The following PCDHA7 variants were observed in gnomAD, a reference collection of about 807,000 sequenced individuals.
PCDHA7 encodes protocadherin alpha-7.
In PCDHA7, 37 loss-of-function variants were observed where a neutral mutation model predicts 57.2. The ratio of observed to expected loss-of-function variants is 0.65; its 90% confidence interval spans 0.50 to 0.85. The LOEUF is 0.85. Ranked by LOEUF, PCDHA7 falls within the 40% of genes least tolerant of loss-of-function variation. The pLI, the probability that PCDHA7 is intolerant of heterozygous loss-of-function variation, is 0.00. For synonymous variants in PCDHA7, 553 were observed against 558.8 expected (o/e 0.99, Z 0.15); for missense variants, 1,188 against 1,241.8 (o/e 0.96, Z 0.65).
At chr5:140,926,861 G>T in intron 1 of PCDHA7, 1 of 1,522,578 alleles carries the variant, frequency 6.6e-7, no homozygotes, top group Non-Finnish European at 8.8e-7. Flanking sequence ...TTGGTGTAGC[G>T]TGTTGGTGGA....
chr5:140,857,646 A>G lies in PCDHA7; in HGVS notation c.2355+20908A>G, dbSNP rs782060988. 27 of 1,596,264 alleles carry G rather than the reference A, an allele frequency of 1.7e-5. 4 individuals carry two copies. The highest frequency in any genetic ancestry group is 2.2e-5 in the Non-Finnish European group (26 of 1,167,636). Reference sequence around the variant, plus strand: ...GAGGAGCTGGAGCTGCTACAGTTCCAGGTGAGCGCGCGCGATGGGGGCGTG... The same window carrying G: ...GAGGAGCTGGAGCTGCTACAGTTCCGGGTGAGCGCGCGCGATGGGGGCGTG... On this transcript the variant is annotated intron_variant, in intron 1 of 3. Coordinates refer to ENST00000525929, the MANE Select transcript of PCDHA7 (RefSeq NM_018910.3).
At chr5:140,858,296 C>A in intron 1 of PCDHA7, 2 of 1,597,508 alleles carry the variant, frequency 1.3e-6, no homozygotes, top group Non-Finnish European at 1.7e-6. Flanking sequence ...GTCTTACTCG[C>A]AGCAGAGGCG....
At position 140,871,031 on chromosome 5, in the gene PCDHA7, G is replaced by A. The variant is rs543880939; in HGVS notation, c.2355+34293G>A. ...GCCCTGGACGAGGCAGACTCGCCGC[G>A]CCACCGACTTCTAGTACTGGTGAAG... is the stretch of plus-strand genomic sequence containing the variant. On this transcript the variant is annotated intron_variant, in intron 1 of 3. Coordinates refer to ENST00000525929, the MANE Select transcript of PCDHA7 (RefSeq NM_018910.3). 3.2e-5 allele frequency: 52 copies of A among 1,613,210 alleles called. 1 individual carries two copies. In the South Asian group the frequency reaches 4.7e-4, roughly 15 times the overall value.
Position 141,010,126 on chromosome 5 carries a change from C to G in PCDHA7, c.*189C>G, listed in dbSNP as rs2098416139. ...TTTTGTCGTAAAAGCTTTACTAAGT[C>G]TGGTGTTAACTCTTTCTCTCCACTC... On this transcript the variant is annotated 3_prime_UTR_variant, in exon 4 of 4. Coordinates refer to ENST00000525929, the MANE Select transcript of PCDHA7 (RefSeq NM_018910.3). 1 of 1,602,246 alleles carries G rather than the reference C, an allele frequency of 6.2e-7. No homozygotes were observed. The highest frequency in any genetic ancestry group is 8.5e-7 in the Non-Finnish European group (1 of 1,173,654).
rs2150522888 is a variant in PCDHA7 at position 140,852,815 on chromosome 5, T to G, written c.2355+16077T>G. 1.8e-5 allele frequency: 18 copies of G among 973,398 alleles called. No homozygotes were observed. In the East Asian group the frequency reaches 1.4e-3, roughly 74 times the overall value. 60.3% of individuals were successfully genotyped at this position (973,398 alleles called of 1,614,324 possible). On this transcript the variant is annotated intron_variant, in intron 1 of 3. Coordinates refer to ENST00000525929, the MANE Select transcript of PCDHA7 (RefSeq NM_018910.3). ...TACAGATGTCATTTGTCTCCCGCCC[T>G]AAGTCCTCCAGTCTCCTTAGAGCTA...
chr5:140,869,516 A>G, intron 1 of PCDHA7: 2 of 1,614,226 alleles, frequency 1.2e-6, no homozygotes, highest in Non-Finnish European at 1.7e-6. Flanking sequence ...CTCAGAGAAC[A>G]AAAGCTGCTG....
intron 3 of PCDHA7, among the ~76,000 whole-genome samples, chr5:140,995,791 T>C (rs547359105): frequency 1.3e-5 from 2 of 152,266 alleles, no homozygotes; most frequent in South Asian, 4.1e-4. Context: ...TTAAAATTTG[T>C]CTCATGTTAG....
intron 1 of PCDHA7, chr5:140,850,280 C>G: frequency 6.3e-7 from 1 of 1,595,478 alleles, no homozygotes; most frequent in Non-Finnish European, 8.6e-7. Flanking sequence ...GGAAGGTGCG[C>G]GCAGTGGACG....
chr5:140,876,839 C>G, intron 1 of PCDHA7: 1 of 1,614,116 alleles, frequency 6.2e-7, no homozygotes, highest in Non-Finnish European at 8.5e-7. Flanking sequence ...CCTGCGTTCG[C>G]GCAGCCCGAG....
intron 1 of PCDHA7, among the ~76,000 whole-genome samples, chr5:140,951,214 T>C (rs994639576): frequency 1.3e-5 from 2 of 152,218 alleles, no homozygotes; most frequent in African/African-American, 2.4e-5. Context: ...ATCTCAGGTT[T>C]GGATTCTTGA....
Position 140,993,462 on chromosome 5 carries a change from T to A in PCDHA7, c.2503+10899T>A, listed in dbSNP as rs540334246. Among the ~76,000 whole-genome samples, 1,220 of 141,042 alleles carry A rather than the reference T, an allele frequency of 8.6e-3. 14 individuals carry two copies. The highest frequency in any genetic ancestry group is 0.02 in the African/African-American group (760 of 37,958). 92.5% of individuals were successfully genotyped at this position (141,042 alleles called of 152,430 possible). A position where few individuals can be genotyped will look rare whatever the true frequency, so the allele number is the denominator to read the frequency against. On this transcript the variant is annotated intron_variant, in intron 3 of 3. Coordinates refer to ENST00000525929, the MANE Select transcript of PCDHA7 (RefSeq NM_018910.3). ...CATTCCTGTTCTCCTTCTTTCTTTC[T>A]CACACACACACACACACACACACAC...
At chr5:140,873,477 G>T (rs1351179000) in intron 1 of PCDHA7, among the ~76,000 whole-genome samples, 1 of 151,984 alleles carries the variant, frequency 6.6e-6, no homozygotes, top group Non-Finnish European at 1.5e-5. Flanking sequence ...AAATTACTTG[G>T]ACTGATTTCT....
chr5:140,841,238 G>T, intron 1 of PCDHA7: 1 of 1,482,530 alleles, frequency 6.7e-7, no homozygotes, highest in Non-Finnish European at 9.1e-7. Flanking sequence ...GAGATGCAGC[G>T]GAATTGGATT....
At chr5:140,988,851 C>T (rs2097316213) in intron 3 of PCDHA7, 1 of 152,174 alleles carries the variant, frequency 6.6e-6, no homozygotes, top group Admixed American at 6.5e-5. Context: ...TGAAACCTAT[C>T]CAGTCTCATG....
chr5:140,858,298 G>A lies in PCDHA7; in HGVS notation c.2355+21560G>A. The A allele has an allele frequency of 1.3e-6, 2 of 1,597,204 alleles. 1 individual carries two copies. Among genetic ancestry groups the A allele is most frequent in the South Asian group, 2.2e-5 (2 of 90,438 alleles). ...CGGTGGGGAGCTGGTCTTACTCGCA[G>A]CAGAGGCGGCAGAGGGTGTGTTCTG... On this transcript the variant is annotated intron_variant, in intron 1 of 3. Transcript: ENST00000525929.
intron 1 of PCDHA7, among the ~76,000 whole-genome samples, chr5:140,957,828 G>A (rs554121251): frequency 6.0e-5 from 9 of 150,668 alleles, no homozygotes; most frequent in Non-Finnish European, 1.2e-4. Context: ...AAGAGAAAGT[G>A]TTAATTGATT....
intron 1 of PCDHA7, among the ~76,000 whole-genome samples, chr5:140,840,661 C>T (rs1401967763): frequency 6.6e-6 from 1 of 151,916 alleles, no homozygotes; most frequent in East Asian, 1.9e-4. Flanking sequence ...AGAATATGCA[C>T]ATACATTTTT....
At chr5:140,877,357 G>A in intron 1 of PCDHA7, 2 of 1,614,020 alleles carry the variant, frequency 1.2e-6, no homozygotes, top group African/African-American at 2.7e-5. Flanking sequence ...GCTGTACACT[G>A]GCGAGATCAG....
chr5:140,871,208 C>A (rs782698436), intron 1 of PCDHA7: 1 of 1,613,802 alleles, frequency 6.2e-7, no homozygotes, highest in Non-Finnish European at 8.5e-7. Context: ...CTGATCATCG[C>A]CATCTGCGTG....
Sources: allele counts gnomAD v4.1 joint callset (sites outside exome capture counted in the v4.1 genomes callset), GRCh38; gene constraint gnomAD v4.1.1; transcripts MANE v1.5; gene names NCBI Gene and HGNC (gene_info 2026-07-23, HGNC 2026-07-21).